Variants in HIVEP2 observed in about 807,000 individuals in gnomAD.
HIVEP2 encodes HIVEP zinc finger 2.
Under a neutral mutation model 180.7 loss-of-function variants are expected in HIVEP2, and 14 were observed. The observed-to-expected ratio is 0.08, with a 90% confidence interval of 0.05 to 0.12. The LOEUF (loss-of-function observed/expected upper bound fraction) is 0.12, where lower values mean the gene tolerates loss of function less well. Ranked by LOEUF, HIVEP2 falls within the 10% of genes least tolerant of loss-of-function variation. The pLI, the probability that HIVEP2 is intolerant of heterozygous loss-of-function variation, is 1.00. For missense variants in HIVEP2, 2,579 were observed against 3,008.5 expected, an observed-to-expected ratio of 0.86 and a Z score of 3.34; for synonymous variants, 1,184 against 1,136.4, an observed-to-expected ratio of 1.04 and a Z score of -0.84.
chr6:142,937,549 TTCA>T (rs1352292809), intron 1 of HIVEP2, among the ~76,000 whole-genome samples: 27 of 152,312 alleles, frequency 1.8e-4, no homozygotes, highest in Admixed American at 1.5e-3. Flanking sequence ...TCTGTCTGAC[TTCA>T]AATCGAGGTT....
chr6:142,847,139 C>T (rs980331100), intron 1 of HIVEP2, among the ~76,000 whole-genome samples: 1 of 152,202 alleles, frequency 6.6e-6, no homozygotes, highest in Non-Finnish European at 1.5e-5. Flanking sequence ...AGCAGTTTGT[C>T]ATAGCCCAGC....
At chr6:142,863,242 C>A (rs1327182862) in intron 1 of HIVEP2, among the ~76,000 whole-genome samples, 1 of 150,488 alleles carries the variant, frequency 6.6e-6, no homozygotes, top group Non-Finnish European at 1.5e-5. Context: ...TAATATAAAA[C>A]CTCTTATAAC....
At chr6:142,775,896 A>G (rs1486152267) in intron 4 of HIVEP2, among the ~76,000 whole-genome samples, 1 of 151,068 alleles carries the variant, frequency 6.6e-6, no homozygotes, top group Non-Finnish European at 1.5e-5. Context: ...TAGTATACAT[A>G]TAAGCATACA....
intron 2 of HIVEP2, among the ~76,000 whole-genome samples, chr6:142,793,577 ATTTC>A (rs1776191831): frequency 6.6e-6 from 1 of 151,488 alleles, no homozygotes. Flanking sequence ...TAATTTATTA[ATTTC>A]TTTCTTTCTA....
intron 2 of HIVEP2, among the ~76,000 whole-genome samples, chr6:142,793,556 T>TC (rs1776191256): frequency 6.6e-6 from 1 of 152,106 alleles, no homozygotes; most frequent in Admixed American, 6.5e-5. Flanking sequence ...AAAAAGGAAC[T>TC]CCATGTTTTA....
At chr6:142,818,151 C>A (rs150414346) in intron 2 of HIVEP2, among the ~76,000 whole-genome samples, 2 of 152,136 alleles carry the variant, frequency 1.3e-5, no homozygotes, top group Non-Finnish European at 2.9e-5. Context: ...GAATCTGAGG[C>A]AGGACAACTA....
intron 1 of HIVEP2, among the ~76,000 whole-genome samples, chr6:142,929,730 C>T (rs1278512771): frequency 2.6e-5 from 4 of 152,056 alleles, no homozygotes; most frequent in Non-Finnish European, 5.9e-5. Flanking sequence ...CATTTTAAAA[C>T]TCATTGTTTC....
intron 4 of HIVEP2, among the ~76,000 whole-genome samples, chr6:142,775,347 T>C (rs1278560145): frequency 6.6e-6 from 1 of 152,196 alleles, no homozygotes; most frequent in East Asian, 1.9e-4. Flanking sequence ...GTTTGAATTT[T>C]GGTCACTCTT....
chr6:142,854,717 C>T (rs538305135), intron 1 of HIVEP2, among the ~76,000 whole-genome samples: 1 of 152,266 alleles, frequency 6.6e-6, no homozygotes, highest in Admixed American at 6.5e-5. Context: ...TGAACCCTGC[C>T]ACCAATGCCA....
intron 2 of HIVEP2, among the ~76,000 whole-genome samples, chr6:142,816,125 A>G (rs1161389277): frequency 2.0e-5 from 3 of 152,182 alleles, no homozygotes; most frequent in Non-Finnish European, 4.4e-5. Flanking sequence ...GAGTGCAGTA[A>G]AAAAGAGATT....
At chr6:142,911,466 G>C (rs1206812770) in intron 1 of HIVEP2, among the ~76,000 whole-genome samples, 7 of 152,130 alleles carry the variant, frequency 4.6e-5, no homozygotes, top group Non-Finnish European at 1.0e-4. Flanking sequence ...TATTGGTTTG[G>C]GAAAACCTCC....
intron 2 of HIVEP2, among the ~76,000 whole-genome samples, chr6:142,785,851 G>C (rs556577802): frequency 6.6e-6 from 1 of 152,332 alleles, no homozygotes; most frequent in South Asian, 2.1e-4. Context: ...TTCTCTTGAA[G>C]AAGAGAAAAG....
At chr6:142,942,919 A>G (rs774781356) in intron 1 of HIVEP2, among the ~76,000 whole-genome samples, 6 of 152,246 alleles carry the variant, frequency 3.9e-5, no homozygotes, top group Non-Finnish European at 7.3e-5. Flanking sequence ...AATTGTCTCA[A>G]TGTTCAAAAG....
rs150999520 is a variant in HIVEP2 at position 142,898,332 on chromosome 6, G to A, written c.-641+46767C>T. Reference sequence around the variant, plus strand: ...TCCCAAAGCCAAGGATCTTTCCACAGACCACACATGACCACAGATACAATA... The same window carrying A: ...TCCCAAAGCCAAGGATCTTTCCACAAACCACACATGACCACAGATACAATA... On this transcript the variant is annotated intron_variant, in intron 1 of 9. Transcript: ENST00000367603. 3.8e-3 allele frequency among the ~76,000 whole-genome samples: 574 copies of A among 152,224 alleles called. 3 individuals are homozygous for A. Among genetic ancestry groups the A allele is most frequent in the African/African-American group, 0.013 (547 of 41,512 alleles).
At chr6:142,852,923 G>A (rs532149137) in intron 1 of HIVEP2, among the ~76,000 whole-genome samples, 25 of 152,230 alleles carry the variant, frequency 1.6e-4, no homozygotes, top group African/African-American at 5.3e-4. Context: ...ATAAATATTT[G>A]TCATTTGATG....
intron 1 of HIVEP2, among the ~76,000 whole-genome samples, chr6:142,893,365 C>T (rs770206699): frequency 4.6e-5 from 7 of 152,140 alleles, no homozygotes; most frequent in Non-Finnish European, 1.0e-4. Flanking sequence ...ATTAGTATTC[C>T]TAATGCGGCA....
Position 142,770,477 on chromosome 6 carries a change from A to T in HIVEP2, c.4262T>A (p.Ile1421Asn), listed in dbSNP as rs1775499716. Residue 1421 changes from isoleucine (I) to asparagine (N), a missense_variant, in exon 5 of 10, where the codon ATC becomes AAC. Around this residue, in one of 11 missense-constraint regions of HIVEP2, gnomAD observed 523 missense variants for 577.0 expected, o/e 0.91. Transcript: ENST00000367603. The surrounding 1 kb of genome is among the most constrained non-coding windows in gnomAD (Gnocchi z 4.7). The part of the protein sequence containing the change: ...QTLPLGLESS[I>N]PLCLPSTSDS... ...AGAGGTGGAAGGTAAACACAAGGGGATGGAGGATTCTAAGCCGAGGGGCAA... is the reference window on the plus strand; with the variant it reads ...AGAGGTGGAAGGTAAACACAAGGGGTTGGAGGATTCTAAGCCGAGGGGCAA... The T allele has an allele frequency of 6.2e-7, 1 of 1,614,020 alleles. No individual in the cohort carries two copies.
chr6:142,890,646 C>A (rs1776833982), intron 1 of HIVEP2, among the ~76,000 whole-genome samples: 1 of 152,160 alleles, frequency 6.6e-6, no homozygotes, highest in African/African-American at 2.4e-5. Context: ...GACCTCCTAT[C>A]TGTCAAATAA....
intron 1 of HIVEP2, among the ~76,000 whole-genome samples, chr6:142,915,588 A>G (rs1200079853): frequency 6.6e-6 from 1 of 151,940 alleles, no homozygotes; most frequent in Non-Finnish European, 1.5e-5. Context: ...CAAAATCTCT[A>G]TTGCACCTCT....
Sources: gnomAD v4.1 joint callset for allele counts (sites outside exome capture counted in the v4.1 genomes callset) on GRCh38, gnomAD v4.1.1 for gene constraint, gnomAD v4.1.1 regional missense constraint, Gnocchi (gnomAD v3.1) non-coding constraint, MANE v1.5 for transcripts, NCBI Gene and HGNC (gene_info 2026-07-23, HGNC 2026-07-21) for gene names.